GALK2: variants seen among roughly 807,000 people sequenced by gnomAD.
GALK2 encodes the protein galactokinase 2.
Under a neutral mutation model 52.4 loss-of-function variants are expected in GALK2, and 36 were observed. The ratio of observed to expected loss-of-function variants is 0.69; its 90% CI spans 0.53 to 0.91. The LOEUF is 0.91. Among genes scored for constraint, GALK2 ranks in the 40% least tolerant of loss-of-function variants. The pLI is 0.00. For missense variants in GALK2, 579 were observed against 559.1 expected, an observed-to-expected ratio of 1.04 and a Z score of -0.36; for synonymous variants, 176 against 199.1, an observed-to-expected ratio of 0.88 and a Z score of 0.98.
At chr15:49,201,053 AGTGTGTGTGT>A (rs10629223) in intron 1 of GALK2, 99 bp from the exon 2 acceptor site, 18 of 400,832 alleles carry the variant, frequency 4.5e-5, no homozygotes, top group African/African-American at 1.1e-4. Flanking sequence ...AGGCATATGG[AGTGTGTGTGT>A]GTGTGTGTGT....
intron 3 of GALK2, among the ~76,000 whole-genome samples, chr15:49,355,554 G>C (rs986123979): frequency 2.0e-5 from 3 of 152,188 alleles, no homozygotes; most frequent in Admixed American, 6.5e-5. Flanking sequence ...AGAATAAAAA[G>C]AAATGAGCAA....
chr15:49,311,139 G>A (rs2035956727), intron 8 of GALK2, among the ~76,000 whole-genome samples: 2 of 152,054 alleles, frequency 1.3e-5, no homozygotes, highest in African/African-American at 4.8e-5. Flanking sequence ...ACCATTTATT[G>A]ACAAGCGTAT....
chr15:49,337,761 C>G (rs2040018279), intron 3 of GALK2, among the ~76,000 whole-genome samples: 1 of 151,696 alleles, frequency 6.6e-6, no homozygotes, highest in South Asian at 2.1e-4. Context: ...TGAGTGAGAA[C>G]ATGCAATGTT....
At chr15:49,277,744 C>T (rs1397693659) in intron 5 of GALK2, among the ~76,000 whole-genome samples, 10 of 150,634 alleles carry the variant, frequency 6.6e-5, no homozygotes, top group Non-Finnish European at 1.2e-4. Context: ...TGCAGTGAGC[C>T]GAGATTGAGC....
chr15:49,341,820 ATTTG>A (rs1182590910), intron 3 of GALK2, among the ~76,000 whole-genome samples: 1 of 152,008 alleles, frequency 6.6e-6, no homozygotes, highest in Non-Finnish European at 1.5e-5. Flanking sequence ...GGCAGGGGCA[ATTTG>A]TTTGATTTTC....
intron 3 of GALK2, among the ~76,000 whole-genome samples, chr15:49,220,723 C>T (rs1207768839): frequency 2.0e-5 from 3 of 152,116 alleles, no homozygotes; most frequent in Admixed American, 2.0e-4. Context: ...TTCCTTTTTT[C>T]TGTGTCCTTA....
chr15:49,278,621 CCTT>C (rs1567013209), intron 5 of GALK2, among the ~76,000 whole-genome samples: 2 of 152,018 alleles, frequency 1.3e-5, no homozygotes, highest in African/African-American at 4.8e-5. Flanking sequence ...GTATTTTTCT[CCTT>C]ATTATGGATA....
intron 1 of GALK2, among the ~76,000 whole-genome samples, chr15:49,196,253 A>G (rs892678337): frequency 2.0e-5 from 3 of 152,008 alleles, no homozygotes; most frequent in African/African-American, 7.2e-5. Flanking sequence ...TTTTACTGCT[A>G]AAGTGTTTAG....
At chr15:49,366,071 T>C (rs2045133344) in intron 3 of GALK2, 1 of 823,332 alleles carries the variant, frequency 1.2e-6, no homozygotes, top group Non-Finnish European at 2.2e-6. Context: ...CATTTATCTA[T>C]CTTCAGTTGT....
At chr15:49,312,312 T>C (rs923014142) in intron 8 of GALK2, among the ~76,000 whole-genome samples, 1 of 152,216 alleles carries the variant, frequency 6.6e-6, no homozygotes, top group Non-Finnish European at 1.5e-5. Context: ...ACAAAGCAGG[T>C]AGAAGAAGGG....
chr15:49,256,138 G>A (rs1475284050), intron 5 of GALK2, among the ~76,000 whole-genome samples: 1 of 152,088 alleles, frequency 6.6e-6, no homozygotes, highest in African/African-American at 2.4e-5. Flanking sequence ...ACCAAGCAAC[G>A]CGAATTTGGT....
chr15:49,346,852 T>G (rs1399115128), intron 3 of GALK2, among the ~76,000 whole-genome samples: 1 of 152,224 alleles, frequency 6.6e-6, no homozygotes, highest in Non-Finnish European at 1.5e-5. Flanking sequence ...TGAAATAAGC[T>G]TATTAGCATG....
chr15:49,183,795 A>G (rs984389155), intron 1 of GALK2, among the ~76,000 whole-genome samples: 1 of 151,642 alleles, frequency 6.6e-6, no homozygotes, highest in Non-Finnish European at 1.5e-5. Flanking sequence ...GTGAGCCAAG[A>G]TCACACCATT....
At chr15:49,326,582 A>G (rs950358776) in intron 9 of GALK2, among the ~76,000 whole-genome samples, 2 of 152,198 alleles carry the variant, frequency 1.3e-5, no homozygotes, top group African/African-American at 2.4e-5. Context: ...ACAAACTGCA[A>G]ACAGGCCCTT....
At chr15:49,210,956 GTCACACACACACACAC>G (rs1302967195) in intron 2 of GALK2, among the ~76,000 whole-genome samples, 8 of 87,466 alleles carry the variant, frequency 9.1e-5, no homozygotes, top group Non-Finnish European at 1.9e-4. Flanking sequence ...AATGTTGGCT[GTCACACACACACACAC>G]TCACACACAC....
chr15:49,157,709 G>A (rs1413650312), intron 1 of GALK2, among the ~76,000 whole-genome samples: 1 of 152,164 alleles, frequency 6.6e-6, no homozygotes, highest in Non-Finnish European at 1.5e-5. Flanking sequence ...AGAAAAAATA[G>A]CAAGTAGAAG....
chr15:49,339,396 T>C (rs1428654855), intron 3 of GALK2, among the ~76,000 whole-genome samples: 3 of 152,208 alleles, frequency 2.0e-5, no homozygotes, highest in Non-Finnish European at 4.4e-5. Context: ...GCCCCTCTGC[T>C]GCAGGTCTGC....
chr15:49,174,836 C>T (rs964076447), intron 1 of GALK2, among the ~76,000 whole-genome samples: 1 of 152,064 alleles, frequency 6.6e-6, no homozygotes, highest in African/African-American at 2.4e-5. Flanking sequence ...GCATCTTTGT[C>T]TTCACCCTTA....
intron 1 of GALK2, chr15:49,161,772 G>A: frequency 5.4e-6 from 1 of 183,960 alleles, no homozygotes. Context: ...AGTCTAGAGT[G>A]CAGTGGCATG....
Sources: gnomAD v4.1 joint callset for allele counts (sites outside exome capture counted in the v4.1 genomes callset) on GRCh38, gnomAD v4.1.1 for gene constraint, MANE v1.5 for transcripts, NCBI Gene and HGNC (gene_info 2026-07-23, HGNC 2026-07-21) for gene names.